Variants in CNDP1 observed in about 807,000 individuals in gnomAD.
CNDP1 encodes the protein carnosine dipeptidase 1, also known as beta-Ala-His dipeptidase.
CNDP1 carries 44 observed loss-of-function variants against 58.1 expected under a neutral mutation model. That is an observed-to-expected ratio of 0.76 (90% CI 0.60 to 0.97). The LOEUF (loss-of-function observed/expected upper bound fraction) is 0.97. Among genes scored for constraint, CNDP1 ranks in the 50% least tolerant of loss-of-function variants. CNDP1 has a pLI of 0.00. For missense variants in CNDP1, 616 were observed against 655.1 expected (o/e 0.94, Z 0.65); for synonymous variants, 254 against 252.6 (o/e 1.01, Z -0.05).
chr18:74,549,930 C>T (rs1433604055), intron 1 of CNDP1, among the ~76,000 whole-genome samples: 2 of 152,204 alleles, frequency 1.3e-5, no homozygotes, highest in East Asian at 3.8e-4. Flanking sequence ...TGGTGTTAAG[C>T]CTACAGACAC....
Position 74,576,955 on chromosome 18 carries a change from TA to T in CNDP1, c.929del (p.Tyr310SerfsTer6), listed in dbSNP as rs1327972976. 1 of 1,613,718 alleles carries T rather than the reference TA, an allele frequency of 6.2e-7. No homozygotes were observed. The highest frequency in any genetic ancestry group is 8.5e-7 in the Non-Finnish European group (1 of 1,179,838). On this transcript the variant is annotated frameshift_variant, in exon 8 of 12. Transcript: ENST00000358821. LOFTEE classifies it high-confidence loss of function. ...TCTTACAGAAGAGGAAATAAATACA[TA>T]CAAAGCCATCCATCTAGACCTAGAA... ...VPLTEEEINT[Y>X]KAIHLDLEEY...
intron 1 of CNDP1, among the ~76,000 whole-genome samples, chr18:74,541,928 G>GAT (rs1980634999): frequency 6.6e-6 from 1 of 152,196 alleles, no homozygotes; most frequent in East Asian, 1.9e-4. Flanking sequence ...GACCTCAGAA[G>GAT]GAATGGGGCG....
At chr18:74,566,400 C>T (rs1289944367) in intron 5 of CNDP1, among the ~76,000 whole-genome samples, 1 of 152,228 alleles carries the variant, frequency 6.6e-6, no homozygotes, top group Non-Finnish European at 1.5e-5. Flanking sequence ...ATTTTCTGAA[C>T]TCTTAAGGTC....
intron 10 of CNDP1, among the ~76,000 whole-genome samples, chr18:74,581,879 C>T (rs1373360006): frequency 6.6e-6 from 1 of 152,208 alleles, no homozygotes; most frequent in Non-Finnish European, 1.5e-5. Context: ...CCTATGGCAT[C>T]CTATTACAGA....
In CNDP1 at chr18:74,586,284, C is replaced by A. The variant is rs1460461909; in HGVS notation, c.*1722C>A. On this transcript the variant is annotated 3_prime_UTR_variant, in exon 12 of 12. Coordinates refer to ENST00000358821, the MANE Select transcript of CNDP1 (RefSeq NM_032649.6). ...TCTCCAATTCTATAGAATATCAAGT[C>A]ATCGTTAAAGAACAGCAGCAGGTGT... is the stretch of plus-strand genomic sequence containing the variant. 6.6e-6 allele frequency: 1 copy of A among 152,186 alleles called. No homozygotes were observed. Among genetic ancestry groups the A allele is most frequent in the Non-Finnish European group, 1.5e-5 (1 of 68,046 alleles). The allele number at this position is 152,186 out of a possible 1,614,324, so 9.4% of individuals were successfully genotyped here.
At chr18:74,570,218 T>TAATAATAATAATAATAATAA (rs56019800) in intron 6 of CNDP1, among the ~76,000 whole-genome samples, 4 of 97,898 alleles carry the variant, frequency 4.1e-5, no homozygotes, top group African/African-American at 5.7e-5. Flanking sequence ...ATAATAATAA[T>TAATAATAATAATAATAATAA]TAATAATAAT....
At chr18:74,544,941 A>G (rs1980721328) in intron 1 of CNDP1, among the ~76,000 whole-genome samples, 1 of 152,084 alleles carries the variant, frequency 6.6e-6, no homozygotes, top group Non-Finnish European at 1.5e-5. Flanking sequence ...CTAAGATGAG[A>G]GTACACAGAG....
At chr18:74,579,590 T>C (rs1237468761) in intron 9 of CNDP1, among the ~76,000 whole-genome samples, 1 of 152,022 alleles carries the variant, frequency 6.6e-6, no homozygotes, top group Non-Finnish European at 1.5e-5. Context: ...CCCGGGAGAC[T>C]CTCAACAGTA....
chr18:74,576,677 T>A (rs4892246), intron 7 of CNDP1, 192 bp from the exon 8 acceptor site: 1 of 478,972 alleles, frequency 2.1e-6, no homozygotes, highest in Admixed American at 4.0e-5. Context: ...AGCTGCGTGA[T>A]CCTGGTGACC....
At chr18:74,583,748 T>G (rs1301576483) in intron 11 of CNDP1, 40 bp downstream of exon 11, 1 of 1,602,616 alleles carries the variant, frequency 6.2e-7, no homozygotes, top group Non-Finnish European at 8.5e-7. Context: ...CTCTTCTTCC[T>G]TTACTGCACA....
At chr18:74,561,302 G>A in intron 4 of CNDP1, 1 of 268,174 alleles carries the variant, frequency 3.7e-6, no homozygotes, top group Non-Finnish European at 7.3e-6. Flanking sequence ...TGTAATCCCA[G>A]CTACTTGGGA....
chr18:74,540,876 T>A (rs1980604122), intron 1 of CNDP1, among the ~76,000 whole-genome samples: 1 of 152,224 alleles, frequency 6.6e-6, no homozygotes, highest in South Asian at 2.1e-4. Context: ...AATCACATGA[T>A]GTGTGGAATC....
At chr18:74,584,124 C>A in intron 11 of CNDP1, 1 of 305,666 alleles carries the variant, frequency 3.3e-6, no homozygotes, top group Non-Finnish European at 6.2e-6. Flanking sequence ...ATATTTAGTG[C>A]ATAACAAAAA....
chr18:74,554,988 A>G (rs1410277855), intron 1 of CNDP1, among the ~76,000 whole-genome samples: 1 of 152,074 alleles, frequency 6.6e-6, no homozygotes. Flanking sequence ...CCTCTCAAGG[A>G]TGCTCTTGAG....
In CNDP1 at chr18:74,586,052, C is replaced by G. The variant is rs540309417; in HGVS notation, c.*1490C>G. ...ACATTTGCGTTCAACTTTTTTCCAT[C>G]ACTCTGTTGGTTCTTGAGATGTCAG... On this transcript the variant is annotated 3_prime_UTR_variant, in exon 12 of 12. Transcript: ENST00000358821. The G allele has an allele frequency of 6.8e-6, 1 of 146,418 alleles. No individual in the cohort carries two copies. Among genetic ancestry groups the G allele is most frequent in the South Asian group, 2.2e-4 (1 of 4,494 alleles). The allele number at this position is 146,418 out of a possible 1,614,324, so 9.1% of individuals were successfully genotyped here. A position where few individuals can be genotyped will look rare whatever the true frequency, so the allele number is the denominator to read the frequency against.
intron 1 of CNDP1, among the ~76,000 whole-genome samples, chr18:74,542,223 G>A (rs1980643496): frequency 6.6e-6 from 1 of 152,250 alleles, no homozygotes; most frequent in South Asian, 2.1e-4. Context: ...TGCTGACAGG[G>A]TGAGGTTTGC....
At position 74,583,637 on chromosome 18, in the gene CNDP1, C is replaced by G. The variant is rs202065075; in HGVS notation, c.1386C>G (p.His462Gln). The change falls in exon 11 of 12, where the codon CAC (histidine) becomes CAG (glutamine). Residue 462 changes from histidine to glutamine, a missense_variant. By Grantham distance (24) the His-to-Gln change is conservative. Coordinates refer to ENST00000358821, the MANE Select transcript of CNDP1 (RefSeq NM_032649.6). ...CCAAAATGTTCCAGGAGATCGTCCA[C>G]AAGAGCGTGGTGCTAATTCCGCTGG... ...PIAKMFQEIV[H>Q]KSVVLIPLGA... The G allele has an allele frequency of 6.2e-7, 1 of 1,614,036 alleles. No individual in the cohort carries two copies. Among genetic ancestry groups the G allele is most frequent in the Non-Finnish European group, 8.5e-7 (1 of 1,179,998 alleles).
At chr18:74,572,938 A>C (rs1981523391) in intron 7 of CNDP1, among the ~76,000 whole-genome samples, 1 of 152,036 alleles carries the variant, frequency 6.6e-6, no homozygotes, top group Non-Finnish European at 1.5e-5. Flanking sequence ...AGGCCATGGT[A>C]CAATCAGCCC....
At chr18:74,584,158 A>C (rs1981857160) in intron 11 of CNDP1, 4 of 347,460 alleles carry the variant, frequency 1.2e-5, no homozygotes, top group Non-Finnish European at 2.1e-5. Context: ...TGTTTGCTTT[A>C]TGCGCTACTG....
Sources: allele counts gnomAD v4.1 joint callset (sites outside exome capture counted in the v4.1 genomes callset), GRCh38; gene constraint gnomAD v4.1.1; transcripts MANE v1.5; gene names NCBI Gene and HGNC (gene_info 2026-07-23, HGNC 2026-07-21).